Variants in SUGT1 observed in about 807,000 individuals in gnomAD.
SUGT1 encodes the protein SGT1 assembly cochaperone of MIS12 kinetochore complex.
Under a neutral mutation model 56.1 loss-of-function variants are expected in SUGT1, and 15 were observed. The ratio of observed to expected loss-of-function variants is 0.27; its 90% CI spans 0.18 to 0.41. SUGT1 has a LOEUF of 0.41. SUGT1 is among the 10% of genes least tolerant of loss of function. SUGT1 has a pLI of 1.00. For missense variants in SUGT1, 347 were observed against 382.2 expected (o/e 0.91, Z 0.77); for synonymous variants, 123 against 128.6 (o/e 0.96, Z 0.30).
rs771864451 is a variant in SUGT1, at chr13:52,687,859, A to G, written c.*24A>G. 4.0e-6 allele frequency: 6 copies of G among 1,496,516 alleles called. No individual in the cohort carries two copies. The highest frequency in any genetic ancestry group is 1.3e-5 in the South Asian group (1 of 78,064). 92.7% of individuals were successfully genotyped at this position (1,496,516 alleles called of 1,614,324 possible). A position where few individuals can be genotyped will look rare whatever the true frequency, so the allele number is the denominator to read the frequency against. Reference sequence around the variant, plus strand: ...AAATAAATTAATTTGCTCTCATCGTATTGTGTATATTCACCTAATGCCCAT... The same window carrying G: ...AAATAAATTAATTTGCTCTCATCGTGTTGTGTATATTCACCTAATGCCCAT... On this transcript the variant is annotated 3_prime_UTR_variant, in exon 13 of 13. Coordinates refer to ENST00000310528, the MANE Select transcript of SUGT1 (RefSeq NM_006704.5).
rs761471616 is a variant in SUGT1 at position 52,697,838 on chromosome 13, G to T, written c.*10003G>T. Reference sequence around the variant, plus strand: ...TTGCCAAATACGCATCAGACACTGAGCTAGGTGCTAGGTACTAGGTAAACA... The same window carrying T: ...TTGCCAAATACGCATCAGACACTGATCTAGGTGCTAGGTACTAGGTAAACA... On this transcript the variant is annotated 3_prime_UTR_variant, in exon 13 of 13. Transcript: ENST00000310528. 1.3e-5 allele frequency: 2 copies of T among 152,198 alleles called. No individual in the cohort carries two copies. Among genetic ancestry groups the T allele is most frequent in the Non-Finnish European group, 2.9e-5 (2 of 68,030 alleles). 9.4% of individuals were successfully genotyped at this position (152,198 alleles called of 1,614,324 possible). A position where few individuals can be genotyped will look rare whatever the true frequency, so the allele number is the denominator to read the frequency against.
chr13:52,670,309 ATC>A (rs1962876688), intron 10 of SUGT1, among the ~76,000 whole-genome samples: 2 of 152,168 alleles, frequency 1.3e-5, no homozygotes, highest in Admixed American at 1.3e-4. Context: ...TTTTTTCAGT[ATC>A]TCTGATAGTT....
At chr13:52,686,068 C>T (rs1015916788) in intron 12 of SUGT1, among the ~76,000 whole-genome samples, 14 of 152,170 alleles carry the variant, frequency 9.2e-5, no homozygotes, top group Admixed American at 1.3e-4. Flanking sequence ...GCTGGGACTA[C>T]GGGCGCATGC....
At position 52,698,739 on chromosome 13, in the gene SUGT1, T is replaced by C. The variant is rs1034319393; in HGVS notation, c.*10904T>C. Reference sequence around the variant, plus strand: ...GCGTGAGCCACCATGCTTAGCTGATTTGCCCTAATCCTCTGCTGACATTCT... The same window carrying C: ...GCGTGAGCCACCATGCTTAGCTGATCTGCCCTAATCCTCTGCTGACATTCT... On this transcript the variant is annotated 3_prime_UTR_variant, in exon 13 of 13. Transcript: ENST00000310528. 6 of 152,280 alleles carry C rather than the reference T, an allele frequency of 3.9e-5. No homozygotes were observed. Among genetic ancestry groups the C allele is most frequent in the African/African-American group, 1.4e-4 (6 of 41,450 alleles). 9.4% of individuals were successfully genotyped at this position (152,280 alleles called of 1,614,324 possible). A position where few individuals can be genotyped will look rare whatever the true frequency, so the allele number is the denominator to read the frequency against.
rs1054531584 is a variant in SUGT1 at position 52,688,737 on chromosome 13, T to C, written c.*902T>C. On this transcript the variant is annotated 3_prime_UTR_variant, in exon 13 of 13. Coordinates refer to ENST00000310528, the MANE Select transcript of SUGT1 (RefSeq NM_006704.5). ...ACTCTGTGCCTAGAATATATAGATATCATGAGAATACAAAAAATTAAAGAC... is the reference window on the plus strand; with the variant it reads ...ACTCTGTGCCTAGAATATATAGATACCATGAGAATACAAAAAATTAAAGAC... 2 of 152,116 alleles carry C rather than the reference T, an allele frequency of 1.3e-5. No individual in the cohort carries two copies. The highest frequency in any genetic ancestry group is 3.9e-4 in the East Asian group (2 of 5,184). 9.4% of individuals were successfully genotyped at this position (152,116 alleles called of 1,614,324 possible).
rs1964023541 is a variant in SUGT1, at chr13:52,699,372, A to C, written c.*11537A>C. 6.6e-6 allele frequency: 1 copy of C among 152,040 alleles called. No individual in the cohort carries two copies. Among genetic ancestry groups the C allele is most frequent in the Admixed American group, 6.6e-5 (1 of 15,266 alleles). The allele number at this position is 152,040 out of a possible 1,614,324, so 9.4% of individuals were successfully genotyped here. ...ACTAGAACTGAGCAGAGAAATACTC[A>C]GAGAGAGCCATGGCATAGTACTAAT... On this transcript the variant is annotated 3_prime_UTR_variant, in exon 13 of 13. Coordinates refer to ENST00000310528, the MANE Select transcript of SUGT1 (RefSeq NM_006704.5).
At chr13:52,659,814 A>ATATTT (rs1555271105) in intron 5 of SUGT1, among the ~76,000 whole-genome samples, 4 of 58,726 alleles carry the variant, frequency 6.8e-5, no homozygotes, top group African/African-American at 3.0e-4. Context: ...ATATATATAT[A>ATATTT]TTTTTTTTTT....
At chr13:52,660,122 C>T (rs147538048) in intron 5 of SUGT1, among the ~76,000 whole-genome samples, 1 of 151,842 alleles carries the variant, frequency 6.6e-6, no homozygotes, top group African/African-American at 2.4e-5. Flanking sequence ...AGCCACTGCA[C>T]CCAGCCGAGA....
chr13:52,659,499 T>C (rs1962323157), intron 5 of SUGT1, among the ~76,000 whole-genome samples: 1 of 152,068 alleles, frequency 6.6e-6, no homozygotes, highest in South Asian at 2.1e-4. Context: ...CCTAACATGC[T>C]CTCTCTGTTT....
At chr13:52,662,497 G>T (rs1238877606) in intron 5 of SUGT1, 152 bp from the exon 6 acceptor site, 2 of 576,868 alleles carry the variant, frequency 3.5e-6, no homozygotes, top group Non-Finnish European at 6.3e-6. Flanking sequence ...CTATAGTAGA[G>T]TTGGTGATAA....
intron 7 of SUGT1, 129 bp from the exon 8 acceptor site, chr13:52,663,906 A>G (rs576150089): frequency 4.4e-6 from 4 of 899,024 alleles, no homozygotes; most frequent in Non-Finnish European, 6.9e-6. Context: ...ATTTTCATGT[A>G]GTTATTTTAT....
In SUGT1 at chr13:52,657,625, A is replaced by G; in HGVS notation, c.187+3A>G. On this transcript the variant is annotated splice_donor_region_variant and intron_variant, in intron 3 of 12. Transcript: ENST00000310528. ...CATTCTTCTTGGGAATTACTGTGGT[A>G]ACGTTTCTTATAAAGTATATTGCCC... The G allele has an allele frequency of 6.2e-7, 1 of 1,611,240 alleles. No homozygotes were observed. The highest frequency in any genetic ancestry group is 8.5e-7 in the Non-Finnish European group (1 of 1,178,142).
In SUGT1 at chr13:52,664,824, G is replaced by A. The variant is rs559142754; in HGVS notation, c.422+767G>A. 2.0e-5 allele frequency among the ~76,000 whole-genome samples: 3 copies of A among 152,238 alleles called. No homozygotes were observed. In the East Asian group the frequency reaches 5.8e-4, roughly 29 times the overall value. On this transcript the variant is annotated intron_variant, in intron 8 of 12. Transcript: ENST00000310528. ...CACATAACCATGAAATAATAATTAA[G>A]GTGTTCAGAGCATAAAATAATCCCA...
At chr13:52,686,985 C>T (rs571006090) in intron 12 of SUGT1, among the ~76,000 whole-genome samples, 16 of 135,230 alleles carry the variant, frequency 1.2e-4, no homozygotes, top group African/African-American at 3.2e-4. Context: ...GCAGGAGAAG[C>T]GCTTGAACCT....
At chr13:52,675,750 A>G (rs888945883) in intron 10 of SUGT1, among the ~76,000 whole-genome samples, 2 of 152,250 alleles carry the variant, frequency 1.3e-5, no homozygotes, top group African/African-American at 4.8e-5. Flanking sequence ...ATGTAAATGC[A>G]GTAATTCTTT....
chr13:52,697,986 G>A lies in SUGT1; in HGVS notation c.*10151G>A, dbSNP rs1963984618. The stretch of plus-strand genomic sequence containing the variant: ...AAACTATAGGTAATAGCATATGTTA[G>A]TCTAATCTTTGTTTAGCAAAGCTAT... On this transcript the variant is annotated 3_prime_UTR_variant, in exon 13 of 13. Coordinates refer to ENST00000310528, the MANE Select transcript of SUGT1 (RefSeq NM_006704.5). 1 of 152,178 alleles carries A rather than the reference G, an allele frequency of 6.6e-6. No homozygotes were observed. Among genetic ancestry groups the A allele is most frequent in the Non-Finnish European group, 1.5e-5 (1 of 68,036 alleles). The allele number at this position is 152,178 out of a possible 1,614,324, so 9.4% of individuals were successfully genotyped here. A position where few individuals can be genotyped will look rare whatever the true frequency, so the allele number is the denominator to read the frequency against.
At chr13:52,659,118 GA>G in intron 4 of SUGT1, 60 bp from the exon 5 acceptor site, 1 of 1,336,530 alleles carries the variant, frequency 7.5e-7, no homozygotes, top group Non-Finnish European at 1.0e-6. Flanking sequence ...TTTTTATTTA[GA>G]AAGAAGGTAT....
Position 52,690,306 on chromosome 13 carries a change from A to G in SUGT1, c.*2471A>G, listed in dbSNP as rs2138187692. 1 of 152,296 alleles carries G rather than the reference A, an allele frequency of 6.6e-6. No individual in the cohort carries two copies. Among genetic ancestry groups the G allele is most frequent in the South Asian group, 2.1e-4 (1 of 4,816 alleles). 9.4% of individuals were successfully genotyped at this position (152,296 alleles called of 1,614,324 possible). ...AAAACAAAAAACTTCTTTCTGATTA[A>G]GAGCCTCTTAACTCTATCCTTATCC... On this transcript the variant is annotated 3_prime_UTR_variant, in exon 13 of 13. Coordinates refer to ENST00000310528, the MANE Select transcript of SUGT1 (RefSeq NM_006704.5).
chr13:52,680,181 T>C lies in SUGT1; in HGVS notation c.900+26T>C, dbSNP rs200755544. ...GTAAGAATATAAACTTAAAGAAATA[T>C]ATATGGGAGCAAATTTTACATATTT... On this transcript the variant is annotated intron_variant, in intron 12 of 12. Transcript: ENST00000310528. The C allele has an allele frequency of 8.0e-5, 122 of 1,528,074 alleles. No homozygotes were observed. In the African/African-American group the frequency reaches 1.6e-3, roughly 20 times the overall value. The allele number at this position is 1,528,074 out of a possible 1,614,324, so 94.7% of individuals were successfully genotyped here. A position where few individuals can be genotyped will look rare whatever the true frequency, so the allele number is the denominator to read the frequency against.
Sources: gnomAD v4.1 joint callset for allele counts (sites outside exome capture counted in the v4.1 genomes callset) on GRCh38, gnomAD v4.1.1 for gene constraint, MANE v1.5 for transcripts, NCBI Gene and HGNC (gene_info 2026-07-23, HGNC 2026-07-21) for gene names.